The following UBXN2A variants were observed in gnomAD, a reference collection of about 807,000 sequenced individuals.
The protein encoded by UBXN2A is UBX domain protein 2A, also known as UBX domain-containing protein 2A.
In UBXN2A, 28 loss-of-function variants were observed where a neutral mutation model predicts 28.4. The ratio of observed to expected loss-of-function variants is 0.99; its 90% CI spans 0.73 to 1.35. The LOEUF (loss-of-function observed/expected upper bound fraction) is 1.35. Ranked by LOEUF, UBXN2A falls within the 40% of genes most tolerant of loss-of-function variation. The pLI is 0.00. For missense variants in UBXN2A, 253 were observed against 297.9 expected (o/e 0.85, Z 1.11); for synonymous variants, 97 against 103.6 (o/e 0.94, Z 0.39).
chr2:23,977,917 C>T (rs115363353), intron 4 of UBXN2A, among the ~76,000 whole-genome samples: 3,129 of 152,186 alleles, frequency 0.021, 43 homozygotes, highest in East Asian at 0.052. Context: ...CTGCAGCCTC[C>T]GCCTACTGGG....
intron 1 of UBXN2A, among the ~76,000 whole-genome samples, chr2:23,956,900 G>A (rs1706655161): frequency 6.6e-6 from 1 of 152,044 alleles, no homozygotes; most frequent in Non-Finnish European, 1.5e-5. Flanking sequence ...TGGTGTCCCT[G>A]GAAGATTGGT....
chr2:23,952,342 C>T (rs1706414306), intron 1 of UBXN2A, among the ~76,000 whole-genome samples: 1 of 152,196 alleles, frequency 6.6e-6, no homozygotes. Context: ...CAGGTCGCTG[C>T]AGCCTCAACT....
chr2:23,994,939 G>A lies in UBXN2A; in HGVS notation c.585-4733G>A, dbSNP rs541768107. Reference sequence around the variant, plus strand: ...ACCTTAGGGTCTGACCCTTAGAAGTGGTGAAAACCTGGGTGTTTACCAAGA... The same window carrying A: ...ACCTTAGGGTCTGACCCTTAGAAGTAGTGAAAACCTGGGTGTTTACCAAGA... On this transcript the variant is annotated intron_variant, in intron 6 of 6. Coordinates refer to ENST00000309033, the MANE Select transcript of UBXN2A (RefSeq NM_181713.4). Among the ~76,000 whole-genome samples, 114 of 152,268 alleles carry A rather than the reference G, an allele frequency of 7.5e-4. 1 individual carries two copies. Among genetic ancestry groups the A allele is most frequent in the African/African-American group, 2.7e-3 (113 of 41,550 alleles).
At chr2:23,930,180 G>A (rs552902839) in intron 1 of UBXN2A, among the ~76,000 whole-genome samples, 3 of 152,244 alleles carry the variant, frequency 2.0e-5, no homozygotes, top group African/African-American at 4.8e-5. Flanking sequence ...GAGCCACTGC[G>A]CCTGGAGGTA....
chr2:23,951,706 C>T (rs965147517), intron 1 of UBXN2A, among the ~76,000 whole-genome samples: 1 of 151,942 alleles, frequency 6.6e-6, no homozygotes, highest in Admixed American at 6.6e-5. Flanking sequence ...AGTGATCCCC[C>T]TGCCTGGGCC....
chr2:23,964,249 T>C (rs1318902086), intron 2 of UBXN2A, among the ~76,000 whole-genome samples: 3 of 152,092 alleles, frequency 2.0e-5, no homozygotes, highest in African/African-American at 7.2e-5. Context: ...TCGCTCTTCT[T>C]GCCCAGGCTG....
chr2:23,959,101 A>G (rs1052253522), intron 2 of UBXN2A, among the ~76,000 whole-genome samples: 11 of 152,200 alleles, frequency 7.2e-5, no homozygotes, highest in Admixed American at 6.6e-5. Flanking sequence ...TCAAAATGCT[A>G]GGATTATAAG....
chr2:23,934,374 T>G lies in UBXN2A; in HGVS notation c.-137-5166T>G, dbSNP rs74938740. Among the ~76,000 whole-genome samples the G allele has an allele frequency of 2.5e-3, 378 of 152,350 alleles. 2 individuals are homozygous for G. The highest frequency in any genetic ancestry group is 4.0e-3 in the Non-Finnish European group (272 of 68,028). ...CAAATGTTGCTAGTAGCCAATGTGT[T>G]GGACAATGCAGAAACAGTTCCATCA... On this transcript the variant is annotated intron_variant, in intron 1 of 7. Coordinates refer to the UBXN2A transcript ENST00000404924.
At chr2:23,989,629 G>A (rs529379632) in intron 6 of UBXN2A, among the ~76,000 whole-genome samples, 2 of 152,088 alleles carry the variant, frequency 1.3e-5, no homozygotes, top group East Asian at 3.9e-4. Context: ...AGGGCCAGGC[G>A]TGGTGGCTCA....
At chr2:23,986,142 A>T (rs1708118738) in intron 6 of UBXN2A, among the ~76,000 whole-genome samples, 2 of 151,984 alleles carry the variant, frequency 1.3e-5, no homozygotes, top group South Asian at 4.2e-4. Context: ...CCCTGTCTCT[A>T]CTAAAAATAC....
At chr2:23,931,472 GAT>G (rs1705366049) in intron 1 of UBXN2A, among the ~76,000 whole-genome samples, 1 of 152,014 alleles carries the variant, frequency 6.6e-6, no homozygotes, top group East Asian at 1.9e-4. Context: ...AAAGAAAAGA[GAT>G]ATGGAAGAGT....
chr2:23,976,993 A>G lies in UBXN2A; in HGVS notation c.205A>G (p.Lys69Glu). 1 of 1,611,406 alleles carries G rather than the reference A, an allele frequency of 6.2e-7. No homozygotes were observed. Among genetic ancestry groups the G allele is most frequent in the Middle Eastern group, 1.7e-4 (1 of 6,058 alleles). Residue 69 changes from lysine (K) to glutamate (E), a missense_variant, in exon 4 of 7, where the codon AAA becomes GAA. By Grantham distance (56) the Lys-to-Glu change is moderately conservative (BLOSUM62 1). Transcript: ENST00000309033. ...KQVDVNIKLW[K>E]NGFTVNDDFR... The stretch of plus-strand genomic sequence containing the variant: ...GGTAGATGTAAATATAAAATTATGG[A>G]AAAACGGATTCACCGTCAACGACGA...
At chr2:23,996,141 A>T (rs1010839626) in intron 6 of UBXN2A, among the ~76,000 whole-genome samples, 8 of 147,868 alleles carry the variant, frequency 5.4e-5, no homozygotes, top group African/African-American at 2.0e-4. Context: ...ATCTCGGCTC[A>T]CTGCAACCTC....
chr2:23,975,397 TG>T (rs1573581654), intron 3 of UBXN2A, among the ~76,000 whole-genome samples: 2 of 152,310 alleles, frequency 1.3e-5, no homozygotes, highest in East Asian at 3.9e-4. Flanking sequence ...GTATGAGGTT[TG>T]GTTATTAAAA....
chr2:23,965,328 T>C (rs903479048), intron 2 of UBXN2A, among the ~76,000 whole-genome samples: 1 of 152,230 alleles, frequency 6.6e-6, no homozygotes, highest in Non-Finnish European at 1.5e-5. Context: ...TTTCTCCTGA[T>C]TAAATATGAT....
At chr2:23,935,831 C>T (rs1223016615), upstream of UBXN2A, among the ~76,000 whole-genome samples, 7 of 152,104 alleles carry the variant, frequency 4.6e-5, no homozygotes, top group Non-Finnish European at 8.8e-5. Context: ...GGGTGGATCA[C>T]CAGAGGTCAG....
At chr2:23,978,621 G>C (rs895966439) in intron 4 of UBXN2A, among the ~76,000 whole-genome samples, 2 of 151,142 alleles carry the variant, frequency 1.3e-5, no homozygotes, top group African/African-American at 4.9e-5. Flanking sequence ...TCCAGCCTGG[G>C]CAACAGAGCA....
chr2:23,986,170 C>T (rs1000835976), intron 6 of UBXN2A, among the ~76,000 whole-genome samples: 15 of 151,692 alleles, frequency 9.9e-5, no homozygotes, highest in Non-Finnish European at 2.2e-4. Context: ...ATTAGCCGGG[C>T]GTGGTGGTGG....
intron 6 of UBXN2A, among the ~76,000 whole-genome samples, chr2:23,991,798 GTTTTGTTTTT>G (rs1488023197): frequency 1.4e-5 from 2 of 146,820 alleles, no homozygotes; most frequent in African/African-American, 5.0e-5. Flanking sequence ...TGTTTGTTTT[GTTTTGTTTTT>G]TTGAGACAGT....
Sources: gnomAD v4.1 joint callset for allele counts (sites outside exome capture counted in the v4.1 genomes callset) on GRCh38, gnomAD v4.1.1 for gene constraint, MANE v1.5 for transcripts, NCBI Gene and HGNC (gene_info 2026-07-23, HGNC 2026-07-21) for gene names.